MYRIP: variants seen among roughly 807,000 people sequenced by gnomAD.
The protein encoded by MYRIP is rab effector MyRIP.
MYRIP carries 49 observed loss-of-function variants against 98.0 expected under a neutral mutation model. The observed-to-expected ratio is 0.50, with a 90% CI of 0.40 to 0.63. The LOEUF (loss-of-function observed/expected upper bound fraction) is 0.63, where lower values mean the gene tolerates loss of function less well. Among genes scored for constraint, MYRIP ranks in the 30% least tolerant of loss-of-function variants. The pLI is 0.00. For missense variants in MYRIP, 1,004 were observed against 1,058.2 expected, an observed-to-expected ratio of 0.95 and a Z score of 0.71; for synonymous variants, 404 against 409.5, an observed-to-expected ratio of 0.99 and a Z score of 0.16.
At chr3:40,167,315 T>C (rs1950521191) in intron 7 of MYRIP, 76 bp downstream of exon 7, 7 of 1,326,004 alleles carry the variant, frequency 5.3e-6, no homozygotes, top group African/African-American at 1.5e-5. Flanking sequence ...AAGTAGCAGG[T>C]GAAACATGGG....
intron 2 of MYRIP, among the ~76,000 whole-genome samples, chr3:39,989,651 A>G (rs1946121486): frequency 7.5e-6 from 1 of 133,086 alleles, no homozygotes; most frequent in African/African-American, 3.4e-5. Flanking sequence ...CAGAGACTGC[A>G]GCCACCCCTC....
At chr3:39,872,375 T>G (rs1342614180) in intron 1 of MYRIP, among the ~76,000 whole-genome samples, 1 of 152,054 alleles carries the variant, frequency 6.6e-6, no homozygotes, top group Non-Finnish European at 1.5e-5. Context: ...TTAGGGTACA[T>G]GTGCACAATG....
chr3:39,964,891 A>G (rs1945404170), intron 2 of MYRIP, among the ~76,000 whole-genome samples: 2 of 152,126 alleles, frequency 1.3e-5, no homozygotes, highest in African/African-American at 4.8e-5. Context: ...AATCAATGGA[A>G]GTATAAATAT....
chr3:40,159,805 C>T (rs537463713), intron 4 of MYRIP, among the ~76,000 whole-genome samples: 2 of 152,182 alleles, frequency 1.3e-5, no homozygotes, highest in Non-Finnish European at 2.9e-5. Context: ...GAGGCTTCTG[C>T]ATTCTTCACG....
chr3:40,044,229 A>G lies in MYRIP; in HGVS notation c.290A>G (p.Lys97Arg). Residue 97 changes from lysine (K) to arginine (R), a missense_variant, in exon 3 of 17, where the codon AAG (lysine) becomes AGG (arginine). Transcript: ENST00000302541. ...NVCKSCCSYQ[K>R]HEKAWVCCVC... ...TGCAAGAGCTGCTGCTCCTACCAGAAGCACGAAAAGGCCTGGGTCTGCTGC... is the reference window on the plus strand; with the variant it reads ...TGCAAGAGCTGCTGCTCCTACCAGAGGCACGAAAAGGCCTGGGTCTGCTGC... The G allele has an allele frequency of 6.2e-7, 1 of 1,614,200 alleles. No homozygotes were observed. Among genetic ancestry groups the G allele is most frequent in the Non-Finnish European group, 8.5e-7 (1 of 1,180,026 alleles).
intron 4 of MYRIP, among the ~76,000 whole-genome samples, chr3:40,153,219 G>A (rs897130845): frequency 6.6e-6 from 1 of 152,132 alleles, no homozygotes; most frequent in Non-Finnish European, 1.5e-5. Flanking sequence ...ATTTCTTTTG[G>A]AGAAACATGA....
intron 10 of MYRIP, among the ~76,000 whole-genome samples, chr3:40,205,862 A>G (rs1330974779): frequency 6.6e-6 from 1 of 152,074 alleles, no homozygotes; most frequent in African/African-American, 2.4e-5. Flanking sequence ...CTGGTTCCCA[A>G]CTGGCTTTAA....
chr3:40,244,299 C>T (rs946543820), intron 12 of MYRIP, 147 bp from the exon 13 acceptor site: 18 of 617,890 alleles, frequency 2.9e-5, no homozygotes, highest in South Asian at 7.5e-5. Flanking sequence ...GTGTGAAGAA[C>T]GTTTATAAAT....
intron 10 of MYRIP, among the ~76,000 whole-genome samples, chr3:40,204,041 ATATATAATATATT>A (rs1951691136): frequency 1.7e-4 from 1 of 5,910 alleles, no homozygotes; most frequent in Non-Finnish European, 3.3e-4. Flanking sequence ...ATTATATATT[ATATATAATATATT>A]TATATATAAT....
chr3:40,184,179 C>T (rs1184462595), intron 9 of MYRIP, among the ~76,000 whole-genome samples: 3 of 152,154 alleles, frequency 2.0e-5, no homozygotes, highest in Non-Finnish European at 2.9e-5. Flanking sequence ...TTCATATTCT[C>T]GCTCTCTCTC....
chr3:39,889,520 G>A (rs1943420550), intron 1 of MYRIP, among the ~76,000 whole-genome samples: 1 of 152,108 alleles, frequency 6.6e-6, no homozygotes, highest in Non-Finnish European at 1.5e-5. Flanking sequence ...CACACTCTGG[G>A]GACCGTTGTG....
At chr3:40,236,211 C>T (rs779270200) in intron 12 of MYRIP, among the ~76,000 whole-genome samples, 2 of 152,146 alleles carry the variant, frequency 1.3e-5, no homozygotes, top group African/African-American at 4.8e-5. Context: ...CATGCTGTAG[C>T]CTAGGAGCAA....
intron 2 of MYRIP, among the ~76,000 whole-genome samples, chr3:40,027,030 T>G (rs1469564621): frequency 6.6e-6 from 1 of 152,146 alleles, no homozygotes; most frequent in Non-Finnish European, 1.5e-5. Context: ...CTCACTTAGC[T>G]GGCCCAGCCC....
At chr3:40,011,210 A>G (rs1052272794) in intron 2 of MYRIP, among the ~76,000 whole-genome samples, 1 of 152,160 alleles carries the variant, frequency 6.6e-6, no homozygotes, top group South Asian at 2.1e-4. Flanking sequence ...TGCCCCACAC[A>G]TCACAGCCAC....
intron 2 of MYRIP, among the ~76,000 whole-genome samples, chr3:39,960,540 A>G (rs1213977279): frequency 6.6e-6 from 1 of 152,164 alleles, no homozygotes; most frequent in Admixed American, 6.6e-5. Flanking sequence ...TTCACCAAAC[A>G]GAACTCTAAA....
chr3:39,969,808 C>G (rs991461335), intron 2 of MYRIP, among the ~76,000 whole-genome samples: 1 of 152,052 alleles, frequency 6.6e-6, no homozygotes, highest in Non-Finnish European at 1.5e-5. Context: ...CTCTGTCAGG[C>G]CTTGGTATGA....
At chr3:39,876,944 C>G (rs1666288867) in intron 1 of MYRIP, among the ~76,000 whole-genome samples, 2 of 152,190 alleles carry the variant, frequency 1.3e-5, no homozygotes, top group South Asian at 4.1e-4. Flanking sequence ...TGTTTTCCAA[C>G]TTGGTTTGAT....
chr3:39,842,428 C>A (rs556737601), intron 1 of MYRIP, among the ~76,000 whole-genome samples: 15 of 152,182 alleles, frequency 9.9e-5, no homozygotes, highest in Non-Finnish European at 2.1e-4. Flanking sequence ...AGCTAGACCA[C>A]TTGGCTCCCT....
At chr3:39,998,684 G>A (rs997047410) in intron 2 of MYRIP, among the ~76,000 whole-genome samples, 2 of 152,026 alleles carry the variant, frequency 1.3e-5, no homozygotes, top group African/African-American at 2.4e-5. Context: ...CTACTTTAAA[G>A]TTCATATGGA....
Sources: gnomAD v4.1 joint callset for allele counts (sites outside exome capture counted in the v4.1 genomes callset) on GRCh38, gnomAD v4.1.1 for gene constraint, MANE v1.5 for transcripts, NCBI Gene and HGNC (gene_info 2026-07-23, HGNC 2026-07-21) for gene names.